The following PCBP3 variants were observed in gnomAD, a reference collection of about 807,000 sequenced individuals.
PCBP3 encodes poly(rC)-binding protein 3.
Under a neutral mutation model 52.7 loss-of-function variants are expected in PCBP3, and 25 were observed. That is an observed-to-expected ratio of 0.47 (90% CI 0.35 to 0.66). The LOEUF (loss-of-function observed/expected upper bound fraction) is 0.66. Among genes scored for constraint, PCBP3 ranks in the 30% least tolerant of loss-of-function variants. PCBP3 has a pLI of 0.01. For missense variants in PCBP3, 391 were observed against 490.3 expected, an observed-to-expected ratio of 0.80 and a Z score of 1.91; for synonymous variants, 162 against 183.0, an observed-to-expected ratio of 0.89 and a Z score of 0.93.
At chr21:45,916,471 C>G (rs2073437373) in intron 12 of PCBP3, 1 of 152,288 alleles carries the variant, frequency 6.6e-6, no homozygotes, top group African/African-American at 2.4e-5. Flanking sequence ...CAGCCGGGTC[C>G]CTGTCTGGAG....
chr21:45,915,298 G>A (rs983915437), intron 12 of PCBP3: 1 of 152,180 alleles, frequency 6.6e-6, no homozygotes, highest in African/African-American at 2.4e-5. Flanking sequence ...GCCGACCTAG[G>A]GGGCTCAGGT....
chr21:45,754,643 C>G (rs1309641020), intron 3 of PCBP3, among the ~76,000 whole-genome samples: 1 of 152,162 alleles, frequency 6.6e-6, no homozygotes, highest in African/African-American at 2.4e-5. Context: ...GCCTGTGTAT[C>G]CCACATTAGA....
In PCBP3 at chr21:45,917,623, C is replaced by T. The variant is rs766959083; in HGVS notation, c.711C>T (p.His237=). The T allele has an allele frequency of 7.8e-5, 126 of 1,612,490 alleles. No homozygotes were observed. The highest frequency in any genetic ancestry group is 1.0e-4 in the Non-Finnish European group (118 of 1,178,688). ...TCCAGGGACAGTATGCCATCCCTCA[C>T]CCGGATGTGAGTCTTCACTTTGTCT... ...YTIQGQYAIP[H]PDQLTKLHQL... Residue 237 remains histidine (H), a synonymous_variant, in exon 13 of 18, where the codon CAC becomes CAT. Coordinates refer to ENST00000681687, the MANE Select transcript of PCBP3 (RefSeq NM_001384156.1). The surrounding 1 kb of genome is among the most constrained non-coding windows in gnomAD (Gnocchi z 5.3).
At chr21:45,680,453 G>A (rs1174713450) in intron 2 of PCBP3, among the ~76,000 whole-genome samples, 1 of 152,184 alleles carries the variant, frequency 6.6e-6, no homozygotes, top group Non-Finnish European at 1.5e-5. Flanking sequence ...TTACACCTAA[G>A]TGTGTGTTTA....
chr21:45,810,147 A>G (rs1471755004), intron 4 of PCBP3, among the ~76,000 whole-genome samples: 1 of 152,118 alleles, frequency 6.6e-6, no homozygotes, highest in Non-Finnish European at 1.5e-5. Context: ...TAAATTACAT[A>G]TTGCCAGATT....
intron 4 of PCBP3, among the ~76,000 whole-genome samples, chr21:45,823,721 TG>T (rs200546984): frequency 0.013 from 810 of 62,604 alleles, 6 homozygotes; most frequent in African/African-American, 0.037. Context: ...GCAAAGTAGG[TG>T]TTTTTTTTTT....
In PCBP3 at chr21:45,843,994, G is replaced by A. The variant is rs186949321; in HGVS notation, c.-125-5967G>A. The stretch of plus-strand genomic sequence containing the variant: ...TGTTGGCATCTCCCACCAGTTGGGC[G>A]ATTTGGGGCCTGTGACCTCTGACCT... On this transcript the variant is annotated intron_variant, in intron 4 of 17. Coordinates refer to ENST00000681687, the MANE Select transcript of PCBP3 (RefSeq NM_001384156.1). Among the ~76,000 whole-genome samples the A allele has an allele frequency of 5.9e-5, 9 of 152,196 alleles. No individual in the cohort carries two copies. The East Asian group carries it at 1.7e-3, about 30-fold the overall frequency.
rs971388437 is a variant in PCBP3 at position 45,735,378 on chromosome 21, T to C, written c.-199-14T>C. 8 of 152,198 alleles carry C rather than the reference T, an allele frequency of 5.3e-5. No homozygotes were observed. The highest frequency in any genetic ancestry group is 1.9e-4 in the African/African-American group (8 of 41,454). 9.4% of individuals were successfully genotyped at this position (152,198 alleles called of 1,614,324 possible). ...TTTCCAATTTTAATTGTTTTTTCCT[T>C]CAACTGTTTACAGGACTGTCTACAA... On this transcript the variant is annotated splice_polypyrimidine_tract_variant and intron_variant, in intron 2 of 17. Transcript: ENST00000681687. The surrounding 1 kb of genome is among the most constrained non-coding windows in gnomAD (Gnocchi z 4.0).
intron 5 of PCBP3, among the ~76,000 whole-genome samples, chr21:45,859,205 C>T (rs999617907): frequency 4.6e-5 from 7 of 152,260 alleles, no homozygotes; most frequent in African/African-American, 7.2e-5. Flanking sequence ...TGTGAATGCC[C>T]GGCACTGTGC....
intron 2 of PCBP3, among the ~76,000 whole-genome samples, chr21:45,692,249 A>T (rs1370004317): frequency 6.6e-6 from 1 of 152,206 alleles, no homozygotes; most frequent in African/African-American, 2.4e-5. Flanking sequence ...CTAGAAGAAG[A>T]ACAGCAAAAT....
chr21:45,703,722 G>C (rs1475003991), intron 2 of PCBP3, among the ~76,000 whole-genome samples: 2 of 152,194 alleles, frequency 1.3e-5, no homozygotes. Flanking sequence ...AGGTAGGATG[G>C]TGGTGGCTGT....
At chr21:45,888,722 C>T (rs543265996) in intron 5 of PCBP3, among the ~76,000 whole-genome samples, 1 of 152,384 alleles carries the variant, frequency 6.6e-6, no homozygotes, top group South Asian at 2.1e-4. Flanking sequence ...AATGAATAAA[C>T]ATGTTCCACA....
At chr21:45,888,707 G>C (rs776743256) in intron 5 of PCBP3, among the ~76,000 whole-genome samples, 34 of 152,262 alleles carry the variant, frequency 2.2e-4, no homozygotes, top group Non-Finnish European at 2.8e-4. Flanking sequence ...TTTGAGTGAA[G>C]CTGAAATGAA....
chr21:45,899,249 AT>A (rs2095954219), intron 6 of PCBP3, among the ~76,000 whole-genome samples: 1 of 152,086 alleles, frequency 6.6e-6, no homozygotes, highest in African/African-American at 2.4e-5. Context: ...TTTTTCACAC[AT>A]TTCTTCCAGA....
chr21:45,783,986 C>T (rs1433019062), intron 4 of PCBP3, among the ~76,000 whole-genome samples: 1 of 152,160 alleles, frequency 6.6e-6, no homozygotes, highest in African/African-American at 2.4e-5. Flanking sequence ...AGTTTTAAAA[C>T]AGTAAAATGA....
At chr21:45,713,608 T>C (rs999941568) in intron 2 of PCBP3, among the ~76,000 whole-genome samples, 5 of 152,248 alleles carry the variant, frequency 3.3e-5, no homozygotes, top group African/African-American at 1.2e-4. Context: ...CTTGAGACAG[T>C]GTGGGCTCCC....
At position 45,853,080 on chromosome 21, in the gene PCBP3, G is replaced by A. The variant is rs912557279; in HGVS notation, c.10+2985G>A. ...CGCACCAGGCATTGGGAGCAGATGC[G>A]GAAAGTGCACATGCCGCTGGCCAGA... On this transcript the variant is annotated intron_variant, in intron 5 of 17. Coordinates refer to ENST00000681687, the MANE Select transcript of PCBP3 (RefSeq NM_001384156.1). This position sits in a 1 kb window ranked among gnomAD's most constrained non-coding sequence, Gnocchi z 4.6. Among the ~76,000 whole-genome samples, 2 of 152,194 alleles carry A rather than the reference G, an allele frequency of 1.3e-5. No homozygotes were observed. The highest frequency in any genetic ancestry group is 1.3e-4 in the Admixed American group (2 of 15,290).
In PCBP3 at chr21:45,938,264, G is replaced by A. The variant is rs551118627; in HGVS notation, c.910-1766G>A. Among the ~76,000 whole-genome samples the A allele has an allele frequency of 2.0e-4, 30 of 152,366 alleles. No homozygotes were observed. The South Asian group carries it at 5.4e-3, about 27-fold the overall frequency. On this transcript the variant is annotated intron_variant, in intron 16 of 17. Coordinates refer to ENST00000681687, the MANE Select transcript of PCBP3 (RefSeq NM_001384156.1). ...TTCAGCAGACACCACGCGCTCCAGC[G>A]CAGAAAGTGTTAGGGAGGAAAGCGG...
chr21:45,913,904 C>T (rs553212782), intron 11 of PCBP3, 47 bp from the exon 12 acceptor site: 13 of 1,553,680 alleles, frequency 8.4e-6, no homozygotes, highest in South Asian at 3.5e-5. Context: ...TGCCAGGCTG[C>T]GAAGCTGCTC....
Sources: gnomAD v4.1 joint callset for allele counts (sites outside exome capture counted in the v4.1 genomes callset) on GRCh38, gnomAD v4.1.1 for gene constraint, Gnocchi (gnomAD v3.1) non-coding constraint, MANE v1.5 for transcripts, NCBI Gene and HGNC (gene_info 2026-07-23, HGNC 2026-07-21) for gene names.